PDE6B: variants seen among roughly 807,000 people sequenced by gnomAD.
PDE6B encodes rod cGMP-specific 3',5'-cyclic phosphodiesterase subunit beta.
PDE6B carries 106 observed loss-of-function variants against 109.0 expected under a neutral mutation model. The ratio of observed to expected loss-of-function variants is 0.97; its 90% CI spans 0.83 to 1.14. The LOEUF is 1.14. PDE6B is among the 50% of genes most tolerant of loss of function. The pLI is 0.00. For synonymous variants in PDE6B, 490 were observed against 471.3 expected (o/e 1.04, Z -0.51); for missense variants, 1,193 against 1,155.6 (o/e 1.03, Z -0.47).
At chr4:661,875 G>A (rs1220385183) in intron 12 of PDE6B, 15 of 522,642 alleles carry the variant, frequency 2.9e-5, no homozygotes, top group South Asian at 1.4e-4. Flanking sequence ...GAGGCTGGGC[G>A]GCCCCTGAAG....
intron 3 of PDE6B, among the ~76,000 whole-genome samples, chr4:637,728 C>T (rs976038013): frequency 5.3e-5 from 8 of 152,264 alleles, no homozygotes; most frequent in Admixed American, 2.6e-4. Context: ...GCTCTGCCAG[C>T]CCTCGCTCGT....
At chr4:659,273 G>C (rs1357118683) in intron 11 of PDE6B, among the ~76,000 whole-genome samples, 1 of 152,220 alleles carries the variant, frequency 6.6e-6, no homozygotes, top group Non-Finnish European at 1.5e-5. Context: ...GCACTCCTGA[G>C]TGTATCTTCG....
At position 662,339 on chromosome 4, in the gene PDE6B, G is replaced by T; in HGVS notation, c.1722+98G>T. ...GGGATGAGATGGGGGTCCTCCCAGG[G>T]CAGAAGGATGGAGGAGGGCAACGCC... On this transcript the variant is annotated intron_variant, in intron 13 of 21. Coordinates refer to ENST00000496514, the MANE Select transcript of PDE6B (RefSeq NM_000283.4). This position sits in a 1 kb window ranked among gnomAD's most constrained non-coding sequence, Gnocchi z 4.3. 1.2e-6 allele frequency: 1 copy of T among 839,662 alleles called. No homozygotes were observed. The highest frequency in any genetic ancestry group is 2.0e-5 in the Admixed American group (1 of 50,196). The allele number at this position is 839,662 out of a possible 1,614,324, so 52.0% of individuals were successfully genotyped here.
intron 3 of PDE6B, among the ~76,000 whole-genome samples, chr4:637,329 T>C (rs1246674997): frequency 6.6e-6 from 1 of 152,138 alleles, no homozygotes; most frequent in Non-Finnish European, 1.5e-5. Flanking sequence ...TCAAACGATT[T>C]CCTGCCTCAG....
At chr4:637,007 G>A (rs1734717660) in intron 3 of PDE6B, among the ~76,000 whole-genome samples, 3 of 152,240 alleles carry the variant, frequency 2.0e-5, no homozygotes, top group South Asian at 2.1e-4. Flanking sequence ...ATTCTTTTGC[G>A]TGAGAGATTT....
chr4:628,520 G>A (rs1357209364), intron 1 of PDE6B, among the ~76,000 whole-genome samples: 1 of 152,220 alleles, frequency 6.6e-6, no homozygotes, highest in African/African-American at 2.4e-5. Flanking sequence ...GCCTCTCAAG[G>A]GTGCTGCAGC....
Position 665,833 on chromosome 4 carries a change from C to A in PDE6B, c.2268+504C>A, listed in dbSNP as rs1324705272. Among the ~76,000 whole-genome samples the A allele has an allele frequency of 2.0e-5, 3 of 152,158 alleles. No homozygotes were observed. Among genetic ancestry groups the A allele is most frequent in the Non-Finnish European group, 2.9e-5 (2 of 68,010 alleles). On this transcript the variant is annotated intron_variant, in intron 19 of 21. Coordinates refer to ENST00000496514, the MANE Select transcript of PDE6B (RefSeq NM_000283.4). The surrounding 1 kb of genome is among the most constrained non-coding windows in gnomAD (Gnocchi z 4.0). ...CAGGAACAGGAGAGGCAGGGCTGCCCCAGCCCCACGTGGACCAGGTGGGAG... is the reference window on the plus strand; with the variant it reads ...CAGGAACAGGAGAGGCAGGGCTGCCACAGCCCCACGTGGACCAGGTGGGAG...
chr4:665,388 TC>T lies in PDE6B; in HGVS notation c.2268+61del. 8.3e-7 allele frequency: 1 copy of T among 1,209,000 alleles called. No homozygotes were observed. The highest frequency in any genetic ancestry group is 1.2e-5 in the South Asian group (1 of 81,192). 74.9% of individuals were successfully genotyped at this position (1,209,000 alleles called of 1,614,324 possible). ...AACGGGTGTTAGAGACCCCTCTTGG[TC>T]CTCAGGAGCCTCAGGTCCTGGCTTG... On this transcript the variant is annotated intron_variant, in intron 19 of 21. Transcript: ENST00000496514. The surrounding 1 kb of genome is among the most constrained non-coding windows in gnomAD (Gnocchi z 4.0).
In PDE6B at chr4:663,028, G is replaced by C. The variant is rs889874264; in HGVS notation, c.1833-72G>C. ...AAAAAAAAGAAAGTGGGGCCCATCT[G>C]GGGGGGCTGCAGAGCGCAGGGTGGG... is the stretch of plus-strand genomic sequence containing the variant. On this transcript the variant is annotated intron_variant, in intron 14 of 21. Coordinates refer to ENST00000496514, the MANE Select transcript of PDE6B (RefSeq NM_000283.4). The surrounding 1 kb of genome is among the most constrained non-coding windows in gnomAD (Gnocchi z 4.0). The C allele has an allele frequency of 1.3e-5, 11 of 864,406 alleles. No homozygotes were observed. The highest frequency in any genetic ancestry group is 1.7e-5 in the Admixed American group (1 of 58,772). 53.5% of individuals were successfully genotyped at this position (864,406 alleles called of 1,614,324 possible).
At chr4:652,430 T>C (rs1037505547) in intron 3 of PDE6B, 9 of 861,976 alleles carry the variant, frequency 1.0e-5, no homozygotes, top group South Asian at 5.3e-5. Context: ...GGAAGAGAGA[T>C]AGAGAAAGCA....
At chr4:655,289 G>A (rs923482591) in intron 6 of PDE6B, 34 of 310,234 alleles carry the variant, frequency 1.1e-4, no homozygotes, top group Non-Finnish European at 7.4e-5. Context: ...TCTTGGCCCC[G>A]TGGGGCTGGA....
chr4:632,309 A>C (rs918515931), intron 1 of PDE6B, among the ~76,000 whole-genome samples: 2 of 144,592 alleles, frequency 1.4e-5, no homozygotes, highest in African/African-American at 5.2e-5. Flanking sequence ...GCACCATCTA[A>C]GGGTCATCTT....
chr4:648,139 C>T lies in PDE6B; in HGVS notation c.712-5713C>T, dbSNP rs1735301278. 6.6e-6 allele frequency among the ~76,000 whole-genome samples: 1 copy of T among 151,958 alleles called. No homozygotes were observed. Among genetic ancestry groups the T allele is most frequent in the Non-Finnish European group, 1.5e-5 (1 of 68,032 alleles). On this transcript the variant is annotated intron_variant, in intron 3 of 21. Coordinates refer to ENST00000496514, the MANE Select transcript of PDE6B (RefSeq NM_000283.4). The surrounding 1 kb of genome is among the most constrained non-coding windows in gnomAD (Gnocchi z 4.5). Reference sequence around the variant, plus strand: ...TTTGCCCGTTCTGTTGTCTGGTCACCCCAGCCCTAAACCAGGCAACAAGTG... The same window carrying T: ...TTTGCCCGTTCTGTTGTCTGGTCACTCCAGCCCTAAACCAGGCAACAAGTG...
intron 3 of PDE6B, among the ~76,000 whole-genome samples, chr4:644,749 C>G (rs978645951): frequency 7.9e-5 from 12 of 151,942 alleles, no homozygotes; most frequent in Admixed American, 7.9e-4. Flanking sequence ...AGGTTGGTCT[C>G]GAACTCCCAG....
intron 1 of PDE6B, among the ~76,000 whole-genome samples, chr4:627,268 C>T (rs10028526): frequency 0.024 from 3,615 of 152,076 alleles, 141 homozygotes; most frequent in African/African-American, 0.083. Flanking sequence ...GCCTTGGCCT[C>T]CTGAGTAGCT....
At chr4:630,057 C>T (rs1199837644) in intron 1 of PDE6B, among the ~76,000 whole-genome samples, 2 of 152,056 alleles carry the variant, frequency 1.3e-5, no homozygotes, top group Admixed American at 1.3e-4. Context: ...AGGCAAGGAC[C>T]CCCCGGCCAG....
chr4:635,588 C>G (rs539711250), intron 2 of PDE6B, among the ~76,000 whole-genome samples: 4 of 151,574 alleles, frequency 2.6e-5, no homozygotes, highest in Non-Finnish European at 5.9e-5. Context: ...TGCCTGCCCG[C>G]GTGTTCTGTG....
chr4:635,207 G>A (rs796681075), intron 2 of PDE6B, among the ~76,000 whole-genome samples: 542 of 136,926 alleles, frequency 4.0e-3, no homozygotes, highest in African/African-American at 0.016. Flanking sequence ...CCGCCTGCCC[G>A]CGTGTTCTGT....
At chr4:642,365 A>T (rs1276428124) in intron 3 of PDE6B, among the ~76,000 whole-genome samples, 2 of 152,038 alleles carry the variant, frequency 1.3e-5, no homozygotes, top group African/African-American at 4.8e-5. Context: ...AATTCCAGCT[A>T]CTTGGGAGGC....
Sources: gnomAD v4.1 joint callset for allele counts (sites outside exome capture counted in the v4.1 genomes callset) on GRCh38, gnomAD v4.1.1 for gene constraint, Gnocchi (gnomAD v3.1) non-coding constraint, MANE v1.5 for transcripts, NCBI Gene and HGNC (gene_info 2026-07-23, HGNC 2026-07-21) for gene names.